Variants in PHF14 observed in about 807,000 individuals in gnomAD.
PHF14 encodes PHD finger protein 14.
Under a neutral mutation model 117.9 loss-of-function variants are expected in PHF14, and 55 were observed. That is an observed-to-expected ratio of 0.47 (90% CI 0.38 to 0.58). The LOEUF (loss-of-function observed/expected upper bound fraction) is 0.58, where lower values mean the gene tolerates loss of function less well. Among genes scored for constraint, PHF14 ranks in the 20% least tolerant of loss-of-function variants. The pLI, the probability that PHF14 is intolerant of heterozygous loss-of-function variation, is 0.00. For missense variants in PHF14, 978 were observed against 1,122.2 expected, an observed-to-expected ratio of 0.87 and a Z score of 1.84; for synonymous variants, 409 against 368.6, an observed-to-expected ratio of 1.11 and a Z score of -1.26.
intron 7 of PHF14, among the ~76,000 whole-genome samples, chr7:11,034,191 G>A (rs950405282): frequency 1.3e-5 from 2 of 151,156 alleles, no homozygotes; most frequent in Admixed American, 6.6e-5. Flanking sequence ...GTCTCTCCTC[G>A]GTAGTGTTGT....
At chr7:11,043,980 T>G (rs185722917) in intron 13 of PHF14, among the ~76,000 whole-genome samples, 1 of 152,144 alleles carries the variant, frequency 6.6e-6, no homozygotes, top group East Asian at 1.9e-4. Flanking sequence ...ATGTGAGAGT[T>G]TCTGCAGCTA....
intron 17 of PHF14, among the ~76,000 whole-genome samples, 174 bp from the exon 18 acceptor site, chr7:11,169,242 A>G (rs1236484394): frequency 2.0e-5 from 3 of 152,174 alleles, no homozygotes; most frequent in African/African-American, 7.2e-5. Flanking sequence ...AATGTGTTCT[A>G]TAAAACAGCA....
intron 17 of PHF14, among the ~76,000 whole-genome samples, chr7:11,123,189 T>C (rs1239505186): frequency 6.6e-6 from 1 of 152,124 alleles, no homozygotes; most frequent in Non-Finnish European, 1.5e-5. Context: ...ACAGGAAATC[T>C]TGGGATTTAG....
chr7:11,150,245 C>T (rs1469646481), intron 17 of PHF14, among the ~76,000 whole-genome samples: 1 of 152,002 alleles, frequency 6.6e-6, no homozygotes, highest in Non-Finnish European at 1.5e-5. Flanking sequence ...CATTAGAATG[C>T]TTATGGTTAT....
intron 7 of PHF14, 36 bp from the exon 8 acceptor site, chr7:11,035,604 A>C (rs781066024): frequency 2.7e-6 from 4 of 1,463,464 alleles, no homozygotes; most frequent in Non-Finnish European, 3.7e-6. Flanking sequence ...TTGGGAGTAC[A>C]AATGTTCACT....
At chr7:11,036,037 T>C (rs1784316517) in intron 8 of PHF14, among the ~76,000 whole-genome samples, 1 of 152,218 alleles carries the variant, frequency 6.6e-6, no homozygotes, top group Non-Finnish European at 1.5e-5. Flanking sequence ...AGGAAATTAC[T>C]CTATCAGTGC....
chr7:11,063,258 T>C, intron 16 of PHF14: 1 of 984,986 alleles, frequency 1.0e-6, no homozygotes. Flanking sequence ...GGAGCTATCC[T>C]GAAGGTTAAG....
intron 16 of PHF14, chr7:11,063,729 A>G (rs1266641152): frequency 4.6e-6 from 4 of 867,040 alleles, no homozygotes; most frequent in Non-Finnish European, 5.5e-6. Flanking sequence ...TATTTTAAAA[A>G]TCAGTTTATG....
At chr7:10,983,938 CTT>C (rs1299675568) in intron 3 of PHF14, among the ~76,000 whole-genome samples, 1 of 152,032 alleles carries the variant, frequency 6.6e-6, no homozygotes, top group Non-Finnish European at 1.5e-5. Context: ...ATTTGTGTCT[CTT>C]TGTCTGTGTG....
intron 17 of PHF14, among the ~76,000 whole-genome samples, chr7:11,157,054 A>G (rs1281997662): frequency 6.6e-6 from 1 of 152,132 alleles, no homozygotes; most frequent in Non-Finnish European, 1.5e-5. Context: ...TATCACCTCC[A>G]TGTATACCTG....
intron 5 of PHF14, 107 bp from the exon 6 acceptor site, chr7:11,022,761 G>T (rs1338185578): frequency 1.2e-5 from 6 of 519,102 alleles, no homozygotes; most frequent in Non-Finnish European, 2.0e-5. Flanking sequence ...TTTGATTACA[G>T]AATTCTCTTG....
chr7:10,981,987 G>T (rs1246852268), intron 2 of PHF14, among the ~76,000 whole-genome samples: 1 of 152,148 alleles, frequency 6.6e-6, no homozygotes, highest in Non-Finnish European at 1.5e-5. Flanking sequence ...AAGGGAGGAA[G>T]AATTTTGTCT....
In PHF14 at chr7:10,991,212, G is replaced by A. The variant is rs189347765; in HGVS notation, c.1045+365G>A. On this transcript the variant is annotated intron_variant, in intron 4 of 17. Coordinates refer to ENST00000634607, the MANE Select transcript of PHF14 (RefSeq NM_001007157.2). ...TTTATTATTTTTGAGATGATGTCTC[G>A]CACTGTTGCCCAGGCTGGAGTGCAG... Among the ~76,000 whole-genome samples the A allele has an allele frequency of 5.5e-4, 83 of 150,252 alleles. No homozygotes were observed. In the East Asian group the frequency reaches 7.6e-3, roughly 14 times the overall value.
chr7:10,979,625 A>G (rs1230676568), intron 2 of PHF14, among the ~76,000 whole-genome samples: 1 of 143,842 alleles, frequency 7.0e-6, no homozygotes, highest in African/African-American at 2.6e-5. Context: ...TTTGCAGCCT[A>G]TGGAAAAAAT....
Position 11,111,368 on chromosome 7 carries a change from C to G in PHF14, c.2673C>G (p.Leu891=), listed in dbSNP as rs756744606. 1 of 1,598,196 alleles carries G rather than the reference C, an allele frequency of 6.3e-7. No homozygotes were observed. The highest frequency in any genetic ancestry group is 2.2e-5 in the East Asian group (1 of 44,604). ...ENLVRCDECR[L]CYHFGCLDPP... ...CCTGCAGGTGTGATGAATGCAGACT[C>G]TGCTACCATTTTGGCTGTTTGGATC... is the stretch of plus-strand genomic sequence containing the variant. Residue 891 remains leucine, a synonymous_variant, in exon 17 of 18, where the codon CTC becomes CTG. Coordinates refer to ENST00000634607, the MANE Select transcript of PHF14 (RefSeq NM_001007157.2).
intron 11 of PHF14, 78 bp from the exon 12 acceptor site, chr7:11,040,594 T>C: frequency 3.4e-6 from 2 of 594,614 alleles, no homozygotes; most frequent in Admixed American, 7.4e-5. Flanking sequence ...TTTACTTGGC[T>C]TGAGTGGCAA....
chr7:11,140,631 C>T (rs1417559568), intron 17 of PHF14, among the ~76,000 whole-genome samples: 1 of 151,736 alleles, frequency 6.6e-6, no homozygotes, highest in Non-Finnish European at 1.5e-5. Context: ...ATAATATAAT[C>T]CATAACTGCA....
At chr7:10,987,748 A>C (rs1199137431) in intron 3 of PHF14, among the ~76,000 whole-genome samples, 1 of 152,124 alleles carries the variant, frequency 6.6e-6, no homozygotes, top group African/African-American at 2.4e-5. Flanking sequence ...TTTCTCTGAA[A>C]CCTTGAAAGA....
intron 16 of PHF14, among the ~76,000 whole-genome samples, chr7:11,098,007 C>T (rs1015291703): frequency 6.6e-6 from 1 of 151,630 alleles, no homozygotes; most frequent in African/African-American, 2.4e-5. Context: ...CTATCATATT[C>T]CTTTAAAAAA....
Sources: allele counts gnomAD v4.1 joint callset (sites outside exome capture counted in the v4.1 genomes callset), GRCh38; gene constraint gnomAD v4.1.1; transcripts MANE v1.5; gene names NCBI Gene and HGNC (gene_info 2026-07-23, HGNC 2026-07-21).